Variants in DBX2 observed in about 807,000 individuals in gnomAD.
The protein encoded by DBX2 is homeobox protein DBX2.
DBX2 carries 16 observed loss-of-function variants against 17.7 expected under a neutral mutation model. The observed-to-expected ratio is 0.90, with a 90% confidence interval of 0.61 to 1.37. The LOEUF (loss-of-function observed/expected upper bound fraction) is 1.37, where lower values mean the gene tolerates loss of function less well. Among genes scored for constraint, DBX2 ranks in the 40% most tolerant of loss-of-function variants. The pLI is 0.00. For synonymous variants in DBX2, 255 were observed against 183.8 expected (o/e 1.39, Z -3.13); for missense variants, 538 against 433.8 (o/e 1.24, Z -2.13).
intron 1 of DBX2, 103 bp from the exon 2 acceptor site, chr12:45,036,217 TTAA>T: frequency 9.9e-7 from 1 of 1,008,626 alleles, no homozygotes; most frequent in Non-Finnish European, 1.4e-6. Context: ...GCTTAGTTTT[TTAA>T]TTTGTATTGA....
Position 45,015,994 on chromosome 12 carries a change from C to A in DBX2, c.*292G>T, listed in dbSNP as rs574519127. 1.1e-4 allele frequency: 26 copies of A among 240,406 alleles called. No homozygotes were observed. Among genetic ancestry groups the A allele is most frequent in the African/African-American group, 4.5e-4 (20 of 44,826 alleles). 14.9% of individuals were successfully genotyped at this position (240,406 alleles called of 1,614,324 possible). On this transcript the variant is annotated 3_prime_UTR_variant, in exon 4 of 4. Transcript: ENST00000332700. ...ATGGATATTTATGTATATACACACACATAGAGACAAACACATATATACACA... is the reference window on the plus strand; with the variant it reads ...ATGGATATTTATGTATATACACACAAATAGAGACAAACACATATATACACA...
chr12:45,023,655 T>C (rs1946364960), intron 3 of DBX2, 52 bp downstream of exon 3: 1 of 1,608,422 alleles, frequency 6.2e-7, no homozygotes, highest in Non-Finnish European at 8.5e-7. Context: ...ACTGATTTCA[T>C]CTGATCTCAG....
intron 2 of DBX2, among the ~76,000 whole-genome samples, chr12:45,028,533 T>C (rs1458376146): frequency 6.6e-6 from 1 of 152,200 alleles, no homozygotes; most frequent in Non-Finnish European, 1.5e-5. Context: ...CCCCTAAAAC[T>C]TTTAATAGCA....
At chr12:45,046,292 T>C (rs1171869879) in intron 1 of DBX2, among the ~76,000 whole-genome samples, 1 of 152,150 alleles carries the variant, frequency 6.6e-6, no homozygotes, top group East Asian at 1.9e-4. Context: ...CAGAAAAATA[T>C]ACAGATATGG....
chr12:45,022,343 G>A (rs573763411), intron 3 of DBX2, among the ~76,000 whole-genome samples: 7 of 115,582 alleles, frequency 6.1e-5, no homozygotes, highest in South Asian at 3.1e-4. Context: ...TTGCACTGTC[G>A]CCCAGGCTGG....
In DBX2 at chr12:45,050,761, G is replaced by A. The variant is rs1289989631; in HGVS notation, c.167C>T (p.Pro56Leu). The change falls in exon 1 of 4, where the codon CCG becomes CTG. Residue 56 changes from proline (P) to leucine (L), a missense_variant. Physicochemically the swap from Pro to Leu is moderately conservative, Grantham distance 98. Coordinates refer to ENST00000332700, the MANE Select transcript of DBX2 (RefSeq NM_001004329.3). ...GGTCGCCGGGTCGTGGGGCGCGGGC[G>A]GCTGCAGCCTGGGCGTTGGGGCGCC... ...VGGAPTPRLQPPAPHDPATAL... is the reference protein window; with the variant it reads ...VGGAPTPRLQLPAPHDPATAL... The A allele has an allele frequency of 3.3e-6, 5 of 1,504,348 alleles. No individual in the cohort carries two copies. The highest frequency in any genetic ancestry group is 4.4e-6 in the Non-Finnish European group (5 of 1,127,802). 93.2% of individuals were successfully genotyped at this position (1,504,348 alleles called of 1,614,324 possible). A position where few individuals can be genotyped will look rare whatever the true frequency, so the allele number is the denominator to read the frequency against.
rs766753844 is a variant in DBX2 at position 45,020,690 on chromosome 12, T to TATAC, written c.687+3016_687+3017insGTAT. Among the ~76,000 whole-genome samples, 1,151 of 148,450 alleles carry TATAC rather than the reference T, an allele frequency of 7.8e-3. 18 individuals carry two copies. Among genetic ancestry groups the TATAC allele is most frequent in the East Asian group, 0.071 (363 of 5,106 alleles). ...GTATATATATGTATATATATATATA[T>TATAC]ACACACACACACACACAATTCTCAG... On this transcript the variant is annotated intron_variant, in intron 3 of 3. Coordinates refer to ENST00000332700, the MANE Select transcript of DBX2 (RefSeq NM_001004329.3).
At chr12:45,046,888 T>G (rs111493887) in intron 1 of DBX2, among the ~76,000 whole-genome samples, 1 of 152,224 alleles carries the variant, frequency 6.6e-6, no homozygotes, top group African/African-American at 2.4e-5. Flanking sequence ...AAAACTACTT[T>G]TTAAAACAGC....
rs770421711 is a variant in DBX2, at chr12:45,036,116, T to G, written c.404-2A>C. 2.5e-5 allele frequency: 41 copies of G among 1,608,942 alleles called. No individual in the cohort carries two copies. The highest frequency in any genetic ancestry group is 3.3e-5 in the Non-Finnish European group (39 of 1,178,110). ...TCAGAAGGAAAGGTTTGGAAGGTGCTGCAGAGAAAGCATTGATCTCATTGA... is the reference window on the plus strand; with the variant it reads ...TCAGAAGGAAAGGTTTGGAAGGTGCGGCAGAGAAAGCATTGATCTCATTGA... On this transcript the variant is annotated splice_acceptor_variant, in intron 1 of 3. Transcript: ENST00000332700. LOFTEE classifies it high-confidence loss of function.
chr12:45,049,804 A>G (rs1261945606), intron 1 of DBX2, among the ~76,000 whole-genome samples: 1 of 152,144 alleles, frequency 6.6e-6, no homozygotes, highest in Non-Finnish European at 1.5e-5. Flanking sequence ...TCCCAGTCCC[A>G]CTAGTTAGGT....
chr12:45,045,418 T>C (rs559022962), intron 1 of DBX2, among the ~76,000 whole-genome samples: 4 of 152,364 alleles, frequency 2.6e-5, no homozygotes, highest in Admixed American at 2.0e-4. Flanking sequence ...GTATAAACTT[T>C]CATAGCAAAG....
chr12:45,027,151 G>C (rs1304113787), intron 2 of DBX2, among the ~76,000 whole-genome samples: 1 of 152,166 alleles, frequency 6.6e-6, no homozygotes, highest in African/African-American at 2.4e-5. Flanking sequence ...TCTTCCAGCT[G>C]ATTTTATAAG....
intron 2 of DBX2, among the ~76,000 whole-genome samples, chr12:45,026,827 T>C (rs1317412618): frequency 6.6e-6 from 1 of 152,186 alleles, no homozygotes; most frequent in African/African-American, 2.4e-5. Flanking sequence ...TCAAGCCCAA[T>C]TCTCTATGAA....
chr12:45,033,534 A>G (rs993787758), intron 2 of DBX2, among the ~76,000 whole-genome samples: 9 of 152,154 alleles, frequency 5.9e-5, no homozygotes, highest in African/African-American at 1.7e-4. Flanking sequence ...AACCTTATTA[A>G]CTGTACCTTG....
Position 45,050,173 on chromosome 12 carries a change from T to C in DBX2, c.403+352A>G, listed in dbSNP as rs73278954. On this transcript the variant is annotated intron_variant, in intron 1 of 3. Transcript: ENST00000332700. ...AACAGGACCGGGCAGGTTAGAAACGTTGAACTTGGTGAAACCCCTTGAGAC... is the reference window on the plus strand; with the variant it reads ...AACAGGACCGGGCAGGTTAGAAACGCTGAACTTGGTGAAACCCCTTGAGAC... 4.9e-3 allele frequency among the ~76,000 whole-genome samples: 744 copies of C among 152,258 alleles called. 5 individuals are homozygous for C. Among genetic ancestry groups the C allele is most frequent in the African/African-American group, 0.017 (700 of 41,556 alleles).
intron 3 of DBX2, 76 bp downstream of exon 3, chr12:45,023,631 C>T: frequency 1.9e-6 from 3 of 1,566,372 alleles, no homozygotes; most frequent in Non-Finnish European, 2.6e-6. Flanking sequence ...CTACGGCCCA[C>T]CACCCTGAAC....
At chr12:45,034,604 T>C (rs1447371880) in intron 2 of DBX2, among the ~76,000 whole-genome samples, 1 of 152,186 alleles carries the variant, frequency 6.6e-6, no homozygotes, top group African/African-American at 2.4e-5. Context: ...ATCCCCACAG[T>C]TGATAATGGG....
intron 2 of DBX2, among the ~76,000 whole-genome samples, chr12:45,034,126 A>ACC (rs1470294836): frequency 1.7e-5 from 2 of 118,016 alleles, no homozygotes; most frequent in Non-Finnish European, 1.9e-5. Context: ...ACACACCCAC[A>ACC]CCCACACACA....
At position 45,014,786 on chromosome 12, in the gene DBX2, G is replaced by A. The variant is rs1228727129; in HGVS notation, c.*1500C>T. ...ATGACTTTTAAGTAAAAGATCATGT[G>A]GTAAAGACACAGGTTGACATACCAA... is the stretch of plus-strand genomic sequence containing the variant. On this transcript the variant is annotated 3_prime_UTR_variant, in exon 4 of 4. Transcript: ENST00000332700. The A allele has an allele frequency of 6.6e-6, 1 of 152,116 alleles. No individual in the cohort carries two copies. The highest frequency in any genetic ancestry group is 1.5e-5 in the Non-Finnish European group (1 of 68,002). 9.4% of individuals were successfully genotyped at this position (152,116 alleles called of 1,614,324 possible).
Sources: allele counts gnomAD v4.1 joint callset (sites outside exome capture counted in the v4.1 genomes callset), GRCh38; gene constraint gnomAD v4.1.1; transcripts MANE v1.5; gene names NCBI Gene and HGNC (gene_info 2026-07-23, HGNC 2026-07-21).